DOCK2: variants seen among roughly 807,000 people sequenced by gnomAD.
The protein encoded by DOCK2 is dedicator of cytokinesis 2, also known as dedicator of cytokinesis protein 2.
In DOCK2, 87 loss-of-function variants were observed where a neutral mutation model predicts 248.9. That is an observed-to-expected ratio of 0.35 (90% confidence interval 0.29 to 0.42). DOCK2 has a LOEUF of 0.42. Ranked by LOEUF, DOCK2 falls within the 10% of genes least tolerant of loss-of-function variation. DOCK2 has a pLI of 1.00. For missense variants in DOCK2, 1,747 were observed against 2,300.2 expected, an observed-to-expected ratio of 0.76 and a Z score of 4.92; for synonymous variants, 805 against 821.6, an observed-to-expected ratio of 0.98 and a Z score of 0.35.
At position 169,853,891 on chromosome 5, in the gene DOCK2, A is replaced by G. The variant is rs1581289946; in HGVS notation, c.2799+13039A>G. On this transcript the variant is annotated intron_variant, in intron 27 of 51. Transcript: ENST00000520908. ...CATTCTGTCACCCAGGCTGGAGTGC[A>G]GTGGTGCAATCTCGGCTCACTGCAA... Among the ~76,000 whole-genome samples the G allele has an allele frequency of 3.5e-5, 4 of 114,024 alleles. No homozygotes were observed. In the South Asian group the frequency reaches 9.3e-4, roughly 27 times the overall value. 74.8% of individuals were successfully genotyped at this position (114,024 alleles called of 152,430 possible). A position where few individuals can be genotyped will look rare whatever the true frequency, so the allele number is the denominator to read the frequency against.
intron 27 of DOCK2, among the ~76,000 whole-genome samples, chr5:169,968,140 A>G (rs58683947): frequency 0.019 from 2,851 of 152,298 alleles, 88 homozygotes; most frequent in African/African-American, 0.062. Flanking sequence ...AAAGCTGACA[A>G]CACTTTGTAA....
Position 169,764,394 on chromosome 5 carries a change from C to T in DOCK2, c.2554+2769C>T, listed in dbSNP as rs574776792. Among the ~76,000 whole-genome samples, 16 of 152,274 alleles carry T rather than the reference C, an allele frequency of 1.1e-4. No homozygotes were observed. Among genetic ancestry groups the T allele is most frequent in the African/African-American group, 3.1e-4 (13 of 41,556 alleles). On this transcript the variant is annotated intron_variant, in intron 25 of 51. Coordinates refer to ENST00000520908, the MANE Select transcript of DOCK2 (RefSeq NM_004946.3). The surrounding 1 kb of genome is among the most constrained non-coding windows in gnomAD (Gnocchi z 4.3). ...TGGAGAAGGGTTTACTGGTTAAGGA[C>T]GGTGGTTCTTGGGTCACACTAGACC...
intron 26 of DOCK2, among the ~76,000 whole-genome samples, chr5:169,835,847 A>G (rs375436434): frequency 1.1e-4 from 16 of 151,176 alleles, no homozygotes; most frequent in African/African-American, 3.9e-4. Context: ...CTGCAACCTC[A>G]ACTTTCTGGG....
chr5:169,916,280 A>C (rs1319904377), intron 27 of DOCK2, among the ~76,000 whole-genome samples: 1 of 152,244 alleles, frequency 6.6e-6, no homozygotes, highest in Non-Finnish European at 1.5e-5. Context: ...TTTGTCCAAC[A>C]GGAGCCTGTG....
intron 25 of DOCK2, among the ~76,000 whole-genome samples, chr5:169,790,130 C>G (rs112695566): frequency 0.013 from 2,000 of 152,180 alleles, 25 homozygotes; most frequent in Middle Eastern, 0.048. Context: ...TGCTTGAATC[C>G]AGGATAATTT....
chr5:169,860,174 G>A (rs1771116407), intron 27 of DOCK2, among the ~76,000 whole-genome samples: 1 of 151,660 alleles, frequency 6.6e-6, no homozygotes, highest in South Asian at 2.1e-4. Flanking sequence ...TGCCCAGGTT[G>A]GTCTCAAACT....
At chr5:169,959,950 T>C (rs570167577) in intron 27 of DOCK2, among the ~76,000 whole-genome samples, 4 of 152,364 alleles carry the variant, frequency 2.6e-5, no homozygotes, top group Non-Finnish European at 4.4e-5. Context: ...TTGGTTTCTG[T>C]TGAGGTCCAG....
At chr5:170,008,006 C>T (rs1191983507) in intron 30 of DOCK2, among the ~76,000 whole-genome samples, 3 of 152,106 alleles carry the variant, frequency 2.0e-5, no homozygotes, top group African/African-American at 7.2e-5. Flanking sequence ...TATTTTAAGA[C>T]AGAATGGATT....
chr5:169,836,917 C>A (rs978529920), intron 26 of DOCK2, among the ~76,000 whole-genome samples: 2 of 152,094 alleles, frequency 1.3e-5, no homozygotes, highest in Admixed American at 1.3e-4. Context: ...AAAATATTCT[C>A]ATATTTGGTG....
intron 27 of DOCK2, among the ~76,000 whole-genome samples, chr5:169,894,119 A>T (rs1404201378): frequency 6.6e-6 from 1 of 152,200 alleles, no homozygotes; most frequent in Non-Finnish European, 1.5e-5. Context: ...CAAAGTTTTC[A>T]AAGCATTTTT....
intron 1 of DOCK2, among the ~76,000 whole-genome samples, chr5:169,643,669 C>T (rs1414221096): frequency 1.3e-5 from 2 of 152,132 alleles, no homozygotes; most frequent in South Asian, 2.1e-4. Context: ...CAGTACCGGT[C>T]GGTGGCCTGG....
At chr5:169,883,673 G>T (rs1012660943) in intron 27 of DOCK2, 2 of 1,550,896 alleles carry the variant, frequency 1.3e-6, no homozygotes, top group South Asian at 2.4e-5. Flanking sequence ...TAGGTGGGGG[G>T]AAGATGGTGC....
chr5:170,050,479 A>T, intron 41 of DOCK2, 82 bp downstream of exon 41: 1 of 1,495,138 alleles, frequency 6.7e-7, no homozygotes, highest in Non-Finnish European at 9.0e-7. Context: ...CCCACCTTAG[A>T]GCTCAGGGCT....
At chr5:169,679,066 C>T (rs1045049479) in intron 6 of DOCK2, among the ~76,000 whole-genome samples, 1 of 152,084 alleles carries the variant, frequency 6.6e-6, no homozygotes, top group Non-Finnish European at 1.5e-5. Context: ...CAATGGGGAG[C>T]CATCACAGAT....
At chr5:169,665,488 A>G (rs1362378040) in intron 2 of DOCK2, among the ~76,000 whole-genome samples, 2 of 151,800 alleles carry the variant, frequency 1.3e-5, no homozygotes, top group Non-Finnish European at 2.9e-5. Context: ...ACACATATGT[A>G]TGTGCTTGCT....
chr5:169,790,753 T>C (rs1257843387), intron 25 of DOCK2, among the ~76,000 whole-genome samples: 18 of 152,242 alleles, frequency 1.2e-4, no homozygotes, highest in Admixed American at 1.1e-3. Context: ...CATGTTTTAC[T>C]TTGATCTTCT....
intron 27 of DOCK2, among the ~76,000 whole-genome samples, chr5:169,917,833 G>A (rs150500178): frequency 3.3e-4 from 50 of 152,316 alleles, no homozygotes; most frequent in African/African-American, 1.2e-3. Context: ...TTAAGGAGGA[G>A]TTATTGTGCT....
At chr5:170,066,912 G>A (rs1000163617) in intron 44 of DOCK2, among the ~76,000 whole-genome samples, 5 of 152,078 alleles carry the variant, frequency 3.3e-5, no homozygotes, top group African/African-American at 7.2e-5. Context: ...AATGTTTGCC[G>A]ACCTCTACTT....
At chr5:169,774,284 G>A (rs986447611) in intron 25 of DOCK2, among the ~76,000 whole-genome samples, 2 of 152,200 alleles carry the variant, frequency 1.3e-5, no homozygotes, top group Non-Finnish European at 2.9e-5. Context: ...ACAGTAATAA[G>A]TAATGTATGG....
Sources: gnomAD v4.1 joint callset for allele counts (sites outside exome capture counted in the v4.1 genomes callset) on GRCh38, gnomAD v4.1.1 for gene constraint, Gnocchi (gnomAD v3.1) non-coding constraint, MANE v1.5 for transcripts, NCBI Gene and HGNC (gene_info 2026-07-23, HGNC 2026-07-21) for gene names.